Variants in HSDL2 observed in about 807,000 individuals in gnomAD.
The protein encoded by HSDL2 is hydroxysteroid dehydrogenase like 2.
A neutral mutation model predicts 46.3 loss-of-function variants in HSDL2; 27 were observed. The ratio of observed to expected loss-of-function variants is 0.58; its 90% CI spans 0.43 to 0.80. The LOEUF is 0.80. Ranked by LOEUF, HSDL2 falls within the 30% of genes least tolerant of loss-of-function variation. HSDL2 has a pLI of 0.00. For synonymous variants in HSDL2, 153 were observed against 163.6 expected (o/e 0.94, Z 0.50); for missense variants, 451 against 502.7 (o/e 0.90, Z 0.98).
chr9:112,409,441 TTGGC>T (rs1474117401), intron 4 of HSDL2, among the ~76,000 whole-genome samples: 3 of 152,204 alleles, frequency 2.0e-5, no homozygotes, highest in Non-Finnish European at 2.9e-5. Flanking sequence ...TCCACCCACC[TTGGC>T]CTCCCAAAGT....
At chr9:112,423,839 G>A (rs574518088) in intron 6 of HSDL2, among the ~76,000 whole-genome samples, 7 of 151,542 alleles carry the variant, frequency 4.6e-5, no homozygotes, top group East Asian at 4.0e-4. Flanking sequence ...TCAGCCTCCC[G>A]AATGGCTGGG....
chr9:112,437,165 G>A (rs1425741448), intron 6 of HSDL2, among the ~76,000 whole-genome samples: 1 of 151,826 alleles, frequency 6.6e-6, no homozygotes, highest in Non-Finnish European at 1.5e-5. Context: ...TCACCATGTT[G>A]ACCAGGCTTG....
intron 1 of HSDL2, among the ~76,000 whole-genome samples, chr9:112,401,129 A>G (rs1263621147): frequency 6.6e-6 from 1 of 152,092 alleles, no homozygotes; most frequent in African/African-American, 2.4e-5. Context: ...GTTTACCAGG[A>G]AGTTATTTTA....
chr9:112,464,526 C>A (rs971028249), intron 10 of HSDL2, among the ~76,000 whole-genome samples: 2 of 151,832 alleles, frequency 1.3e-5, no homozygotes, highest in African/African-American at 4.8e-5. Flanking sequence ...AGTTTATTTC[C>A]AAATTGCCTG....
intron 4 of HSDL2, among the ~76,000 whole-genome samples, chr9:112,412,878 C>T (rs1000450509): frequency 1.3e-5 from 2 of 151,546 alleles, no homozygotes; most frequent in Admixed American, 6.6e-5. Context: ...CCGAGGCAGG[C>T]GGATTACTTG....
At chr9:112,417,006 G>A in intron 5 of HSDL2, 62 bp downstream of exon 5, 1 of 705,670 alleles carries the variant, frequency 1.4e-6, no homozygotes, top group Non-Finnish European at 2.5e-6. Flanking sequence ...AATTAAATCT[G>A]TGTATGTCTG....
intron 7 of HSDL2, 151 bp from the exon 8 acceptor site, chr9:112,441,548 A>G (rs1046732068): frequency 7.3e-6 from 4 of 549,064 alleles, no homozygotes; most frequent in African/African-American, 5.7e-5. Flanking sequence ...AATTAATTTA[A>G]TGAAGATCAG....
intron 1 of HSDL2, among the ~76,000 whole-genome samples, chr9:112,402,114 T>A (rs531803377): frequency 6.6e-6 from 1 of 152,354 alleles, no homozygotes; most frequent in Non-Finnish European, 1.5e-5. Flanking sequence ...ACTTTTGCTC[T>A]TCTTTCTCCA....
intron 3 of HSDL2, among the ~76,000 whole-genome samples, chr9:112,407,548 C>T (rs922466783): frequency 6.6e-6 from 1 of 152,234 alleles, no homozygotes; most frequent in African/African-American, 2.4e-5. Context: ...TCCCAAGAAG[C>T]TGGGACTATA....
chr9:112,380,298 C>T, intron 1 of HSDL2, 118 bp downstream of exon 1: 2 of 946,610 alleles, frequency 2.1e-6, no homozygotes, highest in Non-Finnish European at 3.1e-6. Flanking sequence ...AGGATACTGC[C>T]TGGGCACGCT....
intron 4 of HSDL2, among the ~76,000 whole-genome samples, chr9:112,413,518 TA>T (rs1754442748): frequency 1.3e-5 from 2 of 150,618 alleles, no homozygotes; most frequent in Non-Finnish European, 3.0e-5. Flanking sequence ...AGAAAAGAAA[TA>T]TTTCTATTTT....
chr9:112,438,373 T>C, intron 6 of HSDL2, 58 bp from the exon 7 acceptor site: 1 of 1,114,944 alleles, frequency 9.0e-7, no homozygotes, highest in Non-Finnish European at 1.2e-6. Context: ...GTTACTTCCA[T>C]AGTTTTATTA....
At position 112,380,134 on chromosome 9, in the gene HSDL2, C is replaced by T. The variant is rs768877068; in HGVS notation, c.-30C>T. 9.6e-6 allele frequency: 15 copies of T among 1,558,682 alleles called. 1 individual carries two copies. The highest frequency in any genetic ancestry group is 5.9e-5 in the South Asian group (5 of 85,432). On this transcript the variant is annotated 5_prime_UTR_variant, in exon 1 of 11. Coordinates refer to ENST00000398805, the MANE Select transcript of HSDL2 (RefSeq NM_032303.5). ...GCTCTCTGCTCGCCGCCGCCGCTGT[C>T]GCCGCCACCTCCTCTGATCTACGAA...
chr9:112,393,319 C>T (rs1341963187), intron 1 of HSDL2, among the ~76,000 whole-genome samples: 5 of 152,220 alleles, frequency 3.3e-5, no homozygotes, highest in African/African-American at 1.2e-4. Flanking sequence ...TGTCCTTTGA[C>T]CATTTCCCAT....
chr9:112,463,586 T>C (rs774651985), intron 10 of HSDL2, among the ~76,000 whole-genome samples: 61 of 152,262 alleles, frequency 4.0e-4, no homozygotes, highest in Non-Finnish European at 6.0e-4. Flanking sequence ...TCATAGGTAG[T>C]ACACCCAGAG....
intron 10 of HSDL2, among the ~76,000 whole-genome samples, chr9:112,469,049 G>C (rs1833486111): frequency 6.6e-6 from 1 of 152,036 alleles, no homozygotes; most frequent in African/African-American, 2.4e-5. Context: ...GTAAATAAAA[G>C]TTACCCCTTC....
chr9:112,414,483 A>G (rs1356682863), intron 4 of HSDL2, among the ~76,000 whole-genome samples: 2 of 152,172 alleles, frequency 1.3e-5, no homozygotes, highest in East Asian at 1.9e-4. Context: ...AGAGTTTTCA[A>G]TATAATATAT....
chr9:112,442,528 T>C (rs1282477996), intron 8 of HSDL2, among the ~76,000 whole-genome samples: 3 of 152,182 alleles, frequency 2.0e-5, no homozygotes, highest in Non-Finnish European at 4.4e-5. Flanking sequence ...TTTACTTTGT[T>C]TTGTTTCTGT....
chr9:112,456,021 G>A (rs547331898), intron 9 of HSDL2, among the ~76,000 whole-genome samples: 38 of 152,266 alleles, frequency 2.5e-4, no homozygotes, highest in Non-Finnish European at 5.0e-4. Flanking sequence ...ATGTCTGACA[G>A]GTAATGACAG....
Sources: gnomAD v4.1 joint callset for allele counts (sites outside exome capture counted in the v4.1 genomes callset) on GRCh38, gnomAD v4.1.1 for gene constraint, MANE v1.5 for transcripts, NCBI Gene and HGNC (gene_info 2026-07-23, HGNC 2026-07-21) for gene names.